Variants in ZNF717 observed in about 807,000 individuals in gnomAD.
The protein encoded by ZNF717 is krueppel-like factor X17.
A neutral mutation model predicts 13.8 loss-of-function variants in ZNF717; 9 were observed. The ratio of observed to expected loss-of-function variants is 0.65; its 90% CI spans 0.39 to 1.14. ZNF717 has a LOEUF of 1.14. ZNF717 is among the 50% of genes most tolerant of loss of function. The probability of loss-of-function intolerance (pLI) is 0.01; values close to 1 mark genes in which losing one functional copy is unlikely to be tolerated. For missense variants in ZNF717, 1,040 were observed against 1,080.7 expected (o/e 0.96, Z 0.53); for synonymous variants, 327 against 364.1 (o/e 0.90, Z 1.16).
downstream of ZNF717, among the ~76,000 whole-genome samples, chr3:75,707,445 T>A (rs1364455675): frequency 6.6e-6 from 1 of 152,298 alleles, no homozygotes; most frequent in Non-Finnish European, 1.5e-5. Context: ...CAAGCTAGTT[T>A]ACATTCTTAA....
chr3:75,724,824 A>T (rs1202654995), intron 4 of ZNF717, among the ~76,000 whole-genome samples: 1 of 52,256 alleles, frequency 1.9e-5, no homozygotes, highest in African/African-American at 5.8e-5. Context: ...GACAAGTAAC[A>T]TATCTGTATT....
intron 2 of ZNF717, among the ~76,000 whole-genome samples, chr3:75,763,254 G>C (rs1043586642): frequency 6.6e-5 from 10 of 152,182 alleles, no homozygotes; most frequent in African/African-American, 2.2e-4. Context: ...TAGAGTAAAA[G>C]AAAATACCAG....
chr3:75,756,931 C>G (rs1396442930), intron 2 of ZNF717, among the ~76,000 whole-genome samples: 1 of 152,376 alleles, frequency 6.6e-6, no homozygotes, highest in Admixed American at 6.5e-5. Flanking sequence ...CCGCCTCGGC[C>G]TCCCAAAGTG....
chr3:75,718,303 G>A lies in ZNF717; in HGVS notation n.545-1762C>T, dbSNP rs77942476. Among the ~76,000 whole-genome samples, 7 of 152,088 alleles carry A rather than the reference G, an allele frequency of 4.6e-5. No homozygotes were observed. In the South Asian group the frequency reaches 1.2e-3, roughly 27 times the overall value. ...AGGGTGCACATCCCAGCCATTGGAT[G>A]TGGGGCTGGAGGAAGACATTCGGCT... On this transcript the variant is annotated intron_variant and non_coding_transcript_variant, in intron 4 of 5. Coordinates refer to the ZNF717 transcript ENST00000491507.
intron 2 of ZNF717, among the ~76,000 whole-genome samples, chr3:75,764,214 C>G (rs1163611447): frequency 1.3e-5 from 2 of 152,150 alleles, no homozygotes; most frequent in Non-Finnish European, 2.9e-5. Context: ...AATGTGGGCT[C>G]TCTGCACACG....
Position 75,775,958 on chromosome 3 carries a change from C to T in ZNF717, c.57+7348G>A, listed in dbSNP as rs1341213313. On this transcript the variant is annotated intron_variant, in intron 2 of 4. Coordinates refer to ENST00000652011, the MANE Select transcript of ZNF717 (RefSeq NM_001290208.3). The stretch of plus-strand genomic sequence containing the variant: ...AATTGAATACCAAGGAAATATTTTG[C>T]CAGATTTGCATGCTAAATCACCAAT... 5.3e-5 allele frequency among the ~76,000 whole-genome samples: 8 copies of T among 152,290 alleles called. No homozygotes were observed. The South Asian group carries it at 8.3e-4, about 16-fold the overall frequency.
intron 2 of ZNF717, among the ~76,000 whole-genome samples, chr3:75,759,708 A>G (rs923390102): frequency 6.6e-6 from 1 of 152,024 alleles, no homozygotes; most frequent in Non-Finnish European, 1.5e-5. Context: ...AGCTGGGACT[A>G]CAGATGCATA....
At chr3:75,709,643 G>A (rs1212717644) in exon 6 of ZNF717, 2 of 152,008 alleles carry the variant, frequency 1.3e-5, no homozygotes, top group South Asian at 2.1e-4. Flanking sequence ...TTTTTTTTTT[G>A]TATAACGTTG....
chr3:75,730,692 G>A lies in ZNF717; in HGVS notation c.340-74C>T. On this transcript the variant is annotated intron_variant, in intron 5 of 5. Transcript: ENST00000477374. ...TCCATCAGACCAAATGAACCTAAGA[G>A]AATGAAAGGATAACAAGGAACAAGT... 3 of 685,484 alleles carry A rather than the reference G, an allele frequency of 4.4e-6. No individual in the cohort carries two copies. The South Asian group carries it at 4.7e-5, about 11-fold the overall frequency. 42.5% of individuals were successfully genotyped at this position (685,484 alleles called of 1,614,324 possible).
Position 75,720,017 on chromosome 3 carries a change from G to T in ZNF717, n.545-3476C>A, listed in dbSNP as rs189079106. 2.8e-3 allele frequency among the ~76,000 whole-genome samples: 419 copies of T among 147,086 alleles called. 17 individuals are homozygous for T. The East Asian group carries it at 0.074, about 26-fold the overall frequency. ...AATAATAACCACGGATTTTTGCAAG[G>T]CTACAGAGAAAAGGGAATGCCTATA... On this transcript the variant is annotated intron_variant and non_coding_transcript_variant, in intron 4 of 5. Coordinates refer to the ZNF717 transcript ENST00000491507.
downstream of ZNF717, among the ~76,000 whole-genome samples, chr3:75,728,810 T>A (rs1938357267): frequency 6.6e-6 from 1 of 152,216 alleles, no homozygotes; most frequent in Non-Finnish European, 1.5e-5. Flanking sequence ...CAGAGCAGTA[T>A]GAGAACAGAC....
intron 2 of ZNF717, among the ~76,000 whole-genome samples, chr3:75,742,328 A>C (rs1402252917): frequency 6.8e-6 from 1 of 146,534 alleles, no homozygotes; most frequent in African/African-American, 2.6e-5. Flanking sequence ...TCTCAAAAAA[A>C]AAAAAAAAAA....
chr3:75,722,397 A>G (rs1366204681), intron 4 of ZNF717, among the ~76,000 whole-genome samples: 1 of 152,236 alleles, frequency 6.6e-6, no homozygotes, highest in African/African-American at 2.4e-5. Context: ...GGCTTAACTG[A>G]AGACAGCTTT....
At chr3:75,727,866 T>C (rs1187291744), downstream of ZNF717, among the ~76,000 whole-genome samples, 1 of 152,222 alleles carries the variant, frequency 6.6e-6, no homozygotes, top group Non-Finnish European at 1.5e-5. Flanking sequence ...GTTTTGTAGC[T>C]CAAGGTCGCC....
intron 2 of ZNF717, among the ~76,000 whole-genome samples, chr3:75,747,549 G>A (rs1355974975): frequency 6.6e-6 from 1 of 152,104 alleles, no homozygotes; most frequent in East Asian, 1.9e-4. Context: ...GCAGTGGTTT[G>A]CAGTTCTCCT....
chr3:75,784,456 A>C (rs1945027463), intron 1 of ZNF717, among the ~76,000 whole-genome samples: 1 of 152,218 alleles, frequency 6.6e-6, no homozygotes, highest in Admixed American at 6.5e-5. Context: ...TCACAATCTA[A>C]TGCTAAAGCT....
intron 2 of ZNF717, among the ~76,000 whole-genome samples, chr3:75,768,034 C>A (rs1171434891): frequency 6.6e-6 from 1 of 152,140 alleles, no homozygotes; most frequent in Non-Finnish European, 1.5e-5. Context: ...AGTAAAAAGG[C>A]ACAAACGCCA....
At chr3:75,727,242 TCAAA>T (rs1938303120), downstream of ZNF717, among the ~76,000 whole-genome samples, 1 of 152,220 alleles carries the variant, frequency 6.6e-6, no homozygotes, top group African/African-American at 2.4e-5. Flanking sequence ...ACATGTGTGT[TCAAA>T]CAATATCAAA....
chr3:75,720,048 T>G (rs1938139172), intron 4 of ZNF717, among the ~76,000 whole-genome samples: 2 of 151,782 alleles, frequency 1.3e-5, no homozygotes, highest in Admixed American at 1.3e-4. Context: ...CTATACACTC[T>G]TGGTAAGAAT....
Sources: allele counts gnomAD v4.1 joint callset (sites outside exome capture counted in the v4.1 genomes callset), GRCh38; gene constraint gnomAD v4.1.1; transcripts MANE v1.5; gene names NCBI Gene and HGNC (gene_info 2026-07-23, HGNC 2026-07-21).